ARAP3: variants seen among roughly 807,000 people sequenced by gnomAD.
The protein encoded by ARAP3 is arf-GAP with Rho-GAP domain, ANK repeat and PH domain-containing protein 3.
A neutral mutation model predicts 169.2 loss-of-function variants in ARAP3; 82 were observed. That is an observed-to-expected ratio of 0.48 (90% confidence interval 0.41 to 0.58). The LOEUF is 0.58. Among genes scored for constraint, ARAP3 ranks in the 20% least tolerant of loss-of-function variants. ARAP3 has a pLI of 0.00. For synonymous variants in ARAP3, 791 were observed against 800.3 expected, an observed-to-expected ratio of 0.99 and a Z score of 0.20; for missense variants, 1,764 against 2,018.0, an observed-to-expected ratio of 0.87 and a Z score of 2.41.
chr5:141,662,455 T>G (rs76217096), intron 19 of ARAP3, among the ~76,000 whole-genome samples, 200 bp from the exon 20 acceptor site: 1,727 of 152,328 alleles, frequency 0.011, 35 homozygotes, highest in African/African-American at 0.04. Context: ...CTGACCTCAC[T>G]GTCACAAGTA....
At position 141,665,009 on chromosome 5, in the gene ARAP3, C is replaced by A. The variant is rs750756676; in HGVS notation, c.2713G>T (p.Gly905Cys). Residue 905 changes from glycine (G) to cysteine (C), a missense_variant, in exon 19 of 33, where the codon GGC (glycine) becomes TGC (cysteine). By Grantham distance (159) the Gly-to-Cys change is radical (BLOSUM62 -3). Transcript: ENST00000239440. ...TGCTGCTCCTGCAGCCCTGTGCCGCCCCCACCAGCCGCGCCCCCAATGGCT... is the reference window on the plus strand; with the variant it reads ...TGCTGCTCCTGCAGCCCTGTGCCGCACCCACCAGCCGCGCCCCCAATGGCT... ...NAAIGGAAGG[G>C]GTGLQEQQMS... 11 of 1,613,860 alleles carry A rather than the reference C, an allele frequency of 6.8e-6. No individual in the cohort carries two copies. Among genetic ancestry groups the A allele is most frequent in the Non-Finnish European group, 7.6e-6 (9 of 1,179,988 alleles).
At chr5:141,666,117 C>T (rs1337371659) in intron 17 of ARAP3, among the ~76,000 whole-genome samples, 5 of 151,672 alleles carry the variant, frequency 3.3e-5, no homozygotes, top group East Asian at 1.9e-4. Flanking sequence ...TCAGGCTCTG[C>T]GATACATGTT....
In ARAP3 at chr5:141,653,869, G is replaced by A; in HGVS notation, c.*81C>T. On this transcript the variant is annotated 3_prime_UTR_variant, in exon 33 of 33. Transcript: ENST00000239440. The stretch of plus-strand genomic sequence containing the variant: ...TGGATTCTGGAGTCTTTCCAGCCAG[G>A]GCAGAGGAAGCTGCAACAGTGCCAC... 6.7e-7 allele frequency: 1 copy of A among 1,494,020 alleles called. No individual in the cohort carries two copies. Among genetic ancestry groups the A allele is most frequent in the East Asian group, 2.3e-5 (1 of 43,526 alleles). 92.5% of individuals were successfully genotyped at this position (1,494,020 alleles called of 1,614,324 possible). A position where few individuals can be genotyped will look rare whatever the true frequency, so the allele number is the denominator to read the frequency against.
chr5:141,672,588 C>T lies in ARAP3; in HGVS notation c.1349G>A (p.Arg450Gln), dbSNP rs1178016939. Residue 450 changes from arginine (R) to glutamine (Q), a missense_variant, in exon 9 of 33, where the codon CGA (arginine) becomes CAA (glutamine). Transcript: ENST00000239440. This position sits in a 1 kb window ranked among gnomAD's most constrained non-coding sequence, Gnocchi z 4.9. ...ATGGGGTGTGAGCAGGTCAAAGCTT[C>T]GACTCTTGGTCTCCCGGACGCTGCA... ...QGCSVRETKS[R>Q]SFDLLTPHRC... 4 of 1,614,114 alleles carry T rather than the reference C, an allele frequency of 2.5e-6. No individual in the cohort carries two copies. Among genetic ancestry groups the T allele is most frequent in the African/African-American group, 1.3e-5 (1 of 75,074 alleles).
rs1279615617 is a variant in ARAP3, at chr5:141,672,802, T to G, written c.1217A>C (p.His406Pro). 1 of 1,580,010 alleles carries G rather than the reference T, an allele frequency of 6.3e-7. No individual in the cohort carries two copies. Among genetic ancestry groups the G allele is most frequent in the African/African-American group, 1.4e-5 (1 of 73,436 alleles). The stretch of plus-strand genomic sequence containing the variant: ...CAAGGCAGCAAACACCTTGGCCTTG[T>G]GTCCACGCAGCTCCAGCATGCCCGT... ...LRTGMLELRG[H>P]KAKVFAALSP... The change falls in exon 8 of 33, where the codon CAC becomes CCC. Residue 406 changes from histidine (H) to proline (P), a missense_variant. Coordinates refer to ENST00000239440, the MANE Select transcript of ARAP3 (RefSeq NM_022481.6). This position sits in a 1 kb window ranked among gnomAD's most constrained non-coding sequence, Gnocchi z 4.9.
chr5:141,659,820 C>T lies in ARAP3; in HGVS notation c.3226G>A (p.Val1076Met). Residue 1076 changes from valine to methionine, a missense_variant, in exon 22 of 33, where the codon GTG becomes ATG. Physicochemically the swap from Val to Met is conservative, Grantham distance 21. Around this residue, in one of 3 missense-constraint regions of ARAP3, gnomAD observed 1,112 missense variants for 1,285.7 expected, o/e 0.86. Coordinates refer to ENST00000239440, the MANE Select transcript of ARAP3 (RefSeq NM_022481.6). The stretch of plus-strand genomic sequence containing the variant: ...TAGCCATCAATGAGCTCTTGCAGCA[C>T]TCGCACCTCGTGCTCCCCTCGCCCA... ...TDGRGEHEVR[V>M]LQELIDGYIS... 6.2e-7 allele frequency: 1 copy of T among 1,612,436 alleles called. No homozygotes were observed.
In ARAP3 at chr5:141,656,017, G is replaced by A. The variant is rs757432961; in HGVS notation, c.3908+47C>T. The A allele has an allele frequency of 5.6e-6, 9 of 1,613,838 alleles. No homozygotes were observed. In the African/African-American group the frequency reaches 1.1e-4, roughly 19 times the overall value. On this transcript the variant is annotated intron_variant, in intron 29 of 32. Coordinates refer to ENST00000239440, the MANE Select transcript of ARAP3 (RefSeq NM_022481.6). The stretch of plus-strand genomic sequence containing the variant: ...ATACAAAGAGGGAAGAGAAAAGACA[G>A]GGTGCAGAGGTGGGCCAGAGGAGAA...
chr5:141,654,559 G>A lies in ARAP3; in HGVS notation c.4150-124C>T, dbSNP rs879153873. The A allele has an allele frequency of 2.8e-5, 38 of 1,357,046 alleles. No individual in the cohort carries two copies. In the South Asian group the frequency reaches 5.2e-4, roughly 18 times the overall value. The allele number at this position is 1,357,046 out of a possible 1,614,324, so 84.1% of individuals were successfully genotyped here. A position where few individuals can be genotyped will look rare whatever the true frequency, so the allele number is the denominator to read the frequency against. On this transcript the variant is annotated intron_variant, in intron 32 of 32. Coordinates refer to ENST00000239440, the MANE Select transcript of ARAP3 (RefSeq NM_022481.6). ...TAAAATACTTGGCATGTATGATTCT[G>A]GAACAACCCTGTGCAGTGGGTTACA...
intron 21 of ARAP3, among the ~76,000 whole-genome samples, chr5:141,660,274 C>A (rs1024660445): frequency 6.6e-6 from 1 of 152,008 alleles, no homozygotes. Flanking sequence ...AGGCGGATCA[C>A]GAGGTCAGGA....
rs772942683 is a variant in ARAP3 at position 141,656,092 on chromosome 5, A to G, written c.3880T>C (p.Phe1294Leu). The change falls in exon 29 of 33, where the codon TTC (phenylalanine) becomes CTC (leucine). Residue 1294 changes from phenylalanine to leucine, a missense_variant. Coordinates refer to ENST00000239440, the MANE Select transcript of ARAP3 (RefSeq NM_022481.6). Reference protein sequence around the residue: ...KKLKPPTPWGFTLILEKMHLY... With the variant: ...KKLKPPTPWGLTLILEKMHLY... ...TGCATCTTCTCTAGTATCAATGTGA[A>G]GCCCCACCTGGGAGACAAAGAACAG... 5 of 1,614,166 alleles carry G rather than the reference A, an allele frequency of 3.1e-6. No homozygotes were observed. The highest frequency in any genetic ancestry group is 4.2e-6 in the Non-Finnish European group (5 of 1,180,032).
rs1254527122 is a variant in ARAP3, at chr5:141,666,654, A to AG, written c.2353-12dup. ...CAGCGGGGAGAACCACTGTAGAGGCAGGGGGAGGACAGGAGAAAGGGGGAT... is the reference window on the plus strand; with the variant it reads ...CAGCGGGGAGAACCACTGTAGAGGCAGGGGGGAGGACAGGAGAAAGGGGGAT... On this transcript the variant is annotated splice_polypyrimidine_tract_variant and intron_variant, in intron 16 of 32. Coordinates refer to ENST00000239440, the MANE Select transcript of ARAP3 (RefSeq NM_022481.6). 1.5e-6 allele frequency: 2 copies of AG among 1,361,780 alleles called. No homozygotes were observed. The highest frequency in any genetic ancestry group is 1.9e-6 in the Non-Finnish European group (2 of 1,046,274). The allele number at this position is 1,361,780 out of a possible 1,614,324, so 84.4% of individuals were successfully genotyped here. A position where few individuals can be genotyped will look rare whatever the true frequency, so the allele number is the denominator to read the frequency against.
At chr5:141,680,882 T>G in intron 1 of ARAP3, 1 of 208,470 alleles carries the variant, frequency 4.8e-6, no homozygotes, top group Non-Finnish European at 9.6e-6. Flanking sequence ...TGGGTCAGAG[T>G]GGGATAGGGA....
At position 141,679,948 on chromosome 5, in the gene ARAP3, G is replaced by A. The variant is rs2099912751; in HGVS notation, c.524+15C>T. 2.5e-6 allele frequency: 4 copies of A among 1,613,906 alleles called. No homozygotes were observed. Among genetic ancestry groups the A allele is most frequent in the Non-Finnish European group, 3.4e-6 (4 of 1,179,956 alleles). On this transcript the variant is annotated intron_variant, in intron 2 of 32. Transcript: ENST00000239440. ...TCCTCCCAGCATCAGTCCCTAGGGAGCCAACTCCACTCACTTGTCCTGAGC... is the reference window on the plus strand; with the variant it reads ...TCCTCCCAGCATCAGTCCCTAGGGAACCAACTCCACTCACTTGTCCTGAGC...
chr5:141,671,786 G>A lies in ARAP3; in HGVS notation c.1672-34C>T. The A allele has an allele frequency of 6.3e-7, 1 of 1,598,778 alleles. No individual in the cohort carries two copies. Among genetic ancestry groups the A allele is most frequent in the East Asian group, 2.2e-5 (1 of 44,710 alleles). ...TGACAAGGGACAAAGGCAGGTGACA[G>A]GAACTCAAGAGTCCTCAGATGTTCC... On this transcript the variant is annotated intron_variant, in intron 11 of 32. Transcript: ENST00000239440. This position sits in a 1 kb window ranked among gnomAD's most constrained non-coding sequence, Gnocchi z 4.9.
chr5:141,655,208 CACACACCCTGATGGCCT>C (rs1475996729), intron 32 of ARAP3, among the ~76,000 whole-genome samples, 137 bp downstream of exon 32: 1 of 132,162 alleles, frequency 7.6e-6, no homozygotes, highest in South Asian at 2.6e-4. Context: ...CACACACACA[CACACACCCTGATGGCCT>C]ACACACACAC....
At chr5:141,655,214 CCCT>C in intron 32 of ARAP3, 145 bp downstream of exon 32, 1 of 642,238 alleles carries the variant, frequency 1.6e-6, no homozygotes, top group East Asian at 3.0e-5. Flanking sequence ...CACACACACA[CCCT>C]GATGGCCTAC....
intron 4 of ARAP3, 83 bp from the exon 5 acceptor site, chr5:141,673,891 A>G: frequency 7.9e-7 from 1 of 1,272,826 alleles, no homozygotes; most frequent in South Asian, 1.4e-5. Context: ...TCCTACTCAC[A>G]TCACCTAAGA....
At position 141,666,638 on chromosome 5, in the gene ARAP3, G is replaced by A. The variant is rs989771820; in HGVS notation, c.2358C>T (p.Phe786=). ...GCAGCTGGTGGCAGCTCAGCGGGGA[G>A]AACCACTGTAGAGGCAGGGGGAGGA... ...EAWTSAVGKW[F]SPLSCHQLLG... is the part of the protein sequence containing the mutation. Residue 786 remains phenylalanine (F), a synonymous_variant, in exon 17 of 33, where the codon TTC becomes TTT. Transcript: ENST00000239440. 7.1e-6 allele frequency: 10 copies of A among 1,417,130 alleles called. No individual in the cohort carries two copies. Among genetic ancestry groups the A allele is most frequent in the Middle Eastern group, 2.5e-4 (1 of 3,974 alleles). The allele number at this position is 1,417,130 out of a possible 1,614,324, so 87.8% of individuals were successfully genotyped here. A position where few individuals can be genotyped will look rare whatever the true frequency, so the allele number is the denominator to read the frequency against.
chr5:141,655,769 C>A lies in ARAP3; in HGVS notation c.3973-11G>T. 6.2e-7 allele frequency: 1 copy of A among 1,614,060 alleles called. No individual in the cohort carries two copies. The highest frequency in any genetic ancestry group is 8.5e-7 in the Non-Finnish European group (1 of 1,179,996). On this transcript the variant is annotated splice_polypyrimidine_tract_variant and intron_variant, in intron 30 of 32. Transcript: ENST00000239440. ...CTGCTGGTCATCGTGCTGGTGGGAG[C>A]GTGAGGGGTTGGCATCAGTGGGCAT...
Sources: allele counts gnomAD v4.1 joint callset (sites outside exome capture counted in the v4.1 genomes callset), GRCh38; gene constraint gnomAD v4.1.1; regional missense constraint gnomAD v4.1.1; non-coding constraint Gnocchi (gnomAD v3.1); transcripts MANE v1.5; gene names NCBI Gene and HGNC (gene_info 2026-07-23, HGNC 2026-07-21).